Variants in GALNT7 observed in about 807,000 individuals in gnomAD.
GALNT7 encodes N-acetylgalactosaminyltransferase 7.
A neutral mutation model predicts 82.1 loss-of-function variants in GALNT7; 60 were observed. The ratio of observed to expected loss-of-function variants is 0.73; its 90% confidence interval spans 0.59 to 0.91. GALNT7 has a LOEUF of 0.91. GALNT7 is among the 40% of genes least tolerant of loss of function. The pLI, the probability that GALNT7 is intolerant of heterozygous loss-of-function variation, is 0.00. For synonymous variants in GALNT7, 243 were observed against 275.1 expected (o/e 0.88, Z 1.15); for missense variants, 660 against 804.2 (o/e 0.82, Z 2.17).
intron 2 of GALNT7, among the ~76,000 whole-genome samples, chr4:173,285,417 G>T (rs1336701090): frequency 6.6e-6 from 1 of 152,158 alleles, no homozygotes; most frequent in African/African-American, 2.4e-5. Flanking sequence ...TGTGAAGCAG[G>T]CAAGTTGACA....
At chr4:173,310,013 C>A (rs1411764604) in intron 8 of GALNT7, among the ~76,000 whole-genome samples, 2 of 152,162 alleles carry the variant, frequency 1.3e-5, no homozygotes. Flanking sequence ...ATACAAACTA[C>A]CCAGTAAGTG....
At chr4:173,193,486 C>T (rs570427311) in intron 1 of GALNT7, among the ~76,000 whole-genome samples, 1 of 152,218 alleles carries the variant, frequency 6.6e-6, no homozygotes, top group African/African-American at 2.4e-5. Context: ...CTCACCCCAA[C>T]TTTATTTTTT....
intron 9 of GALNT7, chr4:173,316,581 C>T (rs908682362): frequency 6.6e-6 from 1 of 152,140 alleles, no homozygotes; most frequent in African/African-American, 2.4e-5. Context: ...TTATTTTGTT[C>T]ACTAGTGTTT....
intron 1 of GALNT7, among the ~76,000 whole-genome samples, chr4:173,191,025 A>G (rs1027282542): frequency 6.6e-6 from 1 of 151,980 alleles, no homozygotes; most frequent in Non-Finnish European, 1.5e-5. Context: ...CAGCATTGAG[A>G]GGTAGGTCTT....
At chr4:173,216,720 TATATA>T (rs1733477534) in intron 1 of GALNT7, among the ~76,000 whole-genome samples, 3 of 37,132 alleles carry the variant, frequency 8.1e-5, no homozygotes, top group African/African-American at 3.2e-4. Flanking sequence ...TATATATATA[TATATA>T]TATTTTTTTT....
rs540314312 is a variant in GALNT7, at chr4:173,209,098, G to A, written c.127-38882G>A. ...TGAATTCTTACATATATTTGTGCCC[G>A]TTGCTGAGCTTTGCTTCTTTAACCT... is the stretch of plus-strand genomic sequence containing the variant. On this transcript the variant is annotated intron_variant, in intron 1 of 11. Transcript: ENST00000265000. Among the ~76,000 whole-genome samples, 10 of 152,300 alleles carry A rather than the reference G, an allele frequency of 6.6e-5. No homozygotes were observed. The South Asian group carries it at 8.3e-4, about 13-fold the overall frequency.
intron 1 of GALNT7, among the ~76,000 whole-genome samples, chr4:173,228,588 T>C (rs1408697071): frequency 1.3e-5 from 2 of 152,120 alleles, no homozygotes; most frequent in Non-Finnish European, 2.9e-5. Flanking sequence ...GTAATTAGAA[T>C]TGTGTCCCTA....
chr4:173,248,462 T>C, intron 2 of GALNT7, 22 bp downstream of exon 2: 3 of 1,428,914 alleles, frequency 2.1e-6, no homozygotes, highest in Non-Finnish European at 2.9e-6. Flanking sequence ...TCCTCTTCTT[T>C]CTAAAAATGG....
intron 9 of GALNT7, among the ~76,000 whole-genome samples, chr4:173,315,568 G>C (rs1052658375): frequency 6.6e-6 from 1 of 152,126 alleles, no homozygotes; most frequent in Admixed American, 6.5e-5. Flanking sequence ...CGTCAGAAAC[G>C]CCAGCATTTA....
At chr4:173,237,508 T>A (rs1007017305) in intron 1 of GALNT7, among the ~76,000 whole-genome samples, 4 of 152,228 alleles carry the variant, frequency 2.6e-5, no homozygotes, top group African/African-American at 9.6e-5. Context: ...ACATTTGACC[T>A]CATTCTGCTC....
intron 8 of GALNT7, among the ~76,000 whole-genome samples, chr4:173,306,396 G>A (rs1163655725): frequency 6.6e-6 from 1 of 152,174 alleles, no homozygotes; most frequent in Admixed American, 6.5e-5. Context: ...AAAACTTCCA[G>A]TAGTATGTTG....
chr4:173,239,829 G>C (rs547023460), intron 1 of GALNT7, among the ~76,000 whole-genome samples: 1 of 152,080 alleles, frequency 6.6e-6, no homozygotes, highest in South Asian at 2.1e-4. Flanking sequence ...AAAATATGCC[G>C]TGCATTGTTA....
intron 2 of GALNT7, among the ~76,000 whole-genome samples, chr4:173,281,542 G>A (rs1561187734): frequency 6.6e-6 from 1 of 152,132 alleles, no homozygotes; most frequent in Non-Finnish European, 1.5e-5. Context: ...GAAGCATGTG[G>A]AAACGTCTGG....
intron 1 of GALNT7, among the ~76,000 whole-genome samples, chr4:173,190,557 G>C (rs1351815647): frequency 1.3e-5 from 2 of 152,060 alleles, no homozygotes. Flanking sequence ...GTGTAAATCT[G>C]ATCTTATCCA....
At position 173,323,536 on chromosome 4, in the gene GALNT7, G is replaced by A. The variant is rs935493522; in HGVS notation, c.*1819G>A. ...GCAAATAGGCTCCATTTTCCATGTT[G>A]AGTAGATTATAACCTTATTAACTAT... is the stretch of plus-strand genomic sequence containing the variant. On this transcript the variant is annotated 3_prime_UTR_variant, in exon 12 of 12. Transcript: ENST00000265000. 6.6e-6 allele frequency: 1 copy of A among 152,574 alleles called. No homozygotes were observed. The highest frequency in any genetic ancestry group is 1.5e-5 in the Non-Finnish European group (1 of 68,002). 9.5% of individuals were successfully genotyped at this position (152,574 alleles called of 1,614,324 possible). A position where few individuals can be genotyped will look rare whatever the true frequency, so the allele number is the denominator to read the frequency against.
chr4:173,290,799 A>G (rs1031024506), intron 2 of GALNT7, among the ~76,000 whole-genome samples: 2 of 152,216 alleles, frequency 1.3e-5, no homozygotes, highest in African/African-American at 4.8e-5. Flanking sequence ...TAAACTATAC[A>G]TTGGTGAAAG....
chr4:173,202,372 A>G (rs549076859), intron 1 of GALNT7, among the ~76,000 whole-genome samples: 12 of 152,314 alleles, frequency 7.9e-5, no homozygotes, highest in African/African-American at 2.9e-4. Context: ...CTAAACTTGT[A>G]GGACACTGTG....
intron 8 of GALNT7, among the ~76,000 whole-genome samples, chr4:173,313,400 C>T (rs888209526): frequency 7.3e-6 from 1 of 136,888 alleles, no homozygotes; most frequent in African/African-American, 2.5e-5. Context: ...GAGACTCCAT[C>T]TACACAAAAA....
chr4:173,196,989 C>T (rs1477487430), intron 1 of GALNT7, among the ~76,000 whole-genome samples: 2 of 151,464 alleles, frequency 1.3e-5, no homozygotes, highest in Non-Finnish European at 2.9e-5. Flanking sequence ...TTTGCCCAGA[C>T]ACCCAGAGGT....
Sources: allele counts gnomAD v4.1 joint callset (sites outside exome capture counted in the v4.1 genomes callset), GRCh38; gene constraint gnomAD v4.1.1; transcripts MANE v1.5; gene names NCBI Gene and HGNC (gene_info 2026-07-23, HGNC 2026-07-21).